The following APOOL variants were observed in gnomAD, a reference collection of about 807,000 sequenced individuals.
APOOL encodes apolipoprotein O like.
APOOL carries 12 observed loss-of-function variants against 23.1 expected under a neutral mutation model. That is an observed-to-expected ratio of 0.52 (90% CI 0.33 to 0.84). The LOEUF is 0.84. APOOL is among the 40% of genes least tolerant of loss of function. APOOL has a pLI of 0.02. For synonymous variants in APOOL, 77 were observed against 69.9 expected, an observed-to-expected ratio of 1.10 and a Z score of -0.51; for missense variants, 212 against 199.6, an observed-to-expected ratio of 1.06 and a Z score of -0.37.
intron 1 of APOOL, among the ~76,000 whole-genome samples, chrX:85,031,972 C>G (rs774115254): frequency 9.0e-6 from 1 of 111,729 alleles, no homozygotes; most frequent in South Asian, 3.7e-4. Context: ...TCCTCTCCCA[C>G]GTTTCCACCA....
At chrX:85,066,091 C>T (rs1923445029) in intron 5 of APOOL, among the ~76,000 whole-genome samples, 1 of 111,083 alleles carries the variant, frequency 9.0e-6, no homozygotes, top group Non-Finnish European at 1.9e-5. Flanking sequence ...TGCCTGCAAA[C>T]ATTCATTTTC....
At chrX:85,050,998 C>T (rs1210309305) in intron 2 of APOOL, among the ~76,000 whole-genome samples, 3 of 110,344 alleles carry the variant, frequency 2.7e-5, no homozygotes, top group African/African-American at 9.9e-5. Flanking sequence ...TATATTTACC[C>T]CCTAATTTCT....
In APOOL at chrX:85,087,683, G is replaced by A. The variant is rs753427447; in HGVS notation, c.*5G>A. 1.2e-5 allele frequency: 14 copies of A among 1,170,561 alleles called. No homozygotes were observed. The South Asian group carries it at 1.8e-4, about 15-fold the overall frequency. ...ATGTACAGCACTAGAAGCTGAAGTA[G>A]ACTGCATGCAGAGACTACACAGAAA... On this transcript the variant is annotated 3_prime_UTR_variant, in exon 9 of 9. Coordinates refer to ENST00000373173, the MANE Select transcript of APOOL (RefSeq NM_198450.6).
intron 6 of APOOL, among the ~76,000 whole-genome samples, chrX:85,072,994 T>G (rs1022757024): frequency 9.0e-6 from 1 of 111,575 alleles, no homozygotes; most frequent in Non-Finnish European, 1.9e-5. Context: ...GATCTGTAAA[T>G]ATTAATATTA....
chrX:85,031,470 TTA>T, intron 1 of APOOL, among the ~76,000 whole-genome samples: 1 of 111,842 alleles, frequency 8.9e-6, no homozygotes, highest in Admixed American at 9.5e-5. Context: ...TAATATAATG[TTA>T]TATTTGTTAA....
chrX:85,061,379 G>A (rs1308384437), intron 5 of APOOL, among the ~76,000 whole-genome samples: 1 of 111,551 alleles, frequency 9.0e-6, no homozygotes, highest in African/African-American at 3.3e-5. Flanking sequence ...TTGGTATCAG[G>A]ATGATGCTGG....
At chrX:85,061,058 A>G (rs1430333201) in intron 5 of APOOL, among the ~76,000 whole-genome samples, 2 of 111,404 alleles carry the variant, frequency 1.8e-5, no homozygotes, top group Non-Finnish European at 3.8e-5. Context: ...ACGTCCCATC[A>G]ATACCTAATT....
chrX:85,075,176 T>A (rs1322242914), intron 8 of APOOL, among the ~76,000 whole-genome samples: 1 of 110,947 alleles, frequency 9.0e-6, no homozygotes, highest in Admixed American at 9.7e-5. Context: ...ATAATAATAA[T>A]ATGCACCCTT....
At chrX:85,071,332 A>G (rs1343350436) in intron 6 of APOOL, among the ~76,000 whole-genome samples, 1 of 110,827 alleles carries the variant, frequency 9.0e-6, no homozygotes, top group Non-Finnish European at 1.9e-5. Flanking sequence ...AAGAGGACAA[A>G]AGAGAATATC....
At chrX:85,040,273 G>A (rs1275543056) in intron 1 of APOOL, among the ~76,000 whole-genome samples, 1 of 111,963 alleles carries the variant, frequency 8.9e-6, no homozygotes, top group Non-Finnish European at 1.9e-5. Context: ...GCCACTCTTA[G>A]CCTGATGGAA....
At chrX:85,029,713 T>G (rs943428494) in intron 1 of APOOL, among the ~76,000 whole-genome samples, 5 of 111,425 alleles carry the variant, frequency 4.5e-5, no homozygotes, top group African/African-American at 9.8e-5. Flanking sequence ...GCAAAGAACA[T>G]AAATAGACAT....
rs780993164 is a variant in APOOL at position 85,092,584 on chromosome X, A to G, written c.*4906A>G. On this transcript the variant is annotated 3_prime_UTR_variant, in exon 9 of 9. Coordinates refer to ENST00000373173, the MANE Select transcript of APOOL (RefSeq NM_198450.6). ...TATCTGTTTAAAAACAAACAAGCAA[A>G]TATTACTTTCATTTGAAAGTATAAT... 8 of 1,175,471 alleles carry G rather than the reference A, an allele frequency of 6.8e-6. No homozygotes were observed. The highest frequency in any genetic ancestry group is 4.8e-4 in the Middle Eastern group (2 of 4,137).
In APOOL at chrX:85,093,180, C is replaced by T. The variant is rs1209872668; in HGVS notation, c.*5502C>T. On this transcript the variant is annotated 3_prime_UTR_variant, in exon 9 of 9. Coordinates refer to ENST00000373173, the MANE Select transcript of APOOL (RefSeq NM_198450.6). ...TAGAATATCAATACTAATTGTAATA[C>T]ATACCTGACTTAGCCTCTTCAGCAT... 6.0e-6 allele frequency: 7 copies of T among 1,157,825 alleles called. No homozygotes were observed. The African/African-American group carries it at 1.3e-4, about 21-fold the overall frequency.
At position 85,092,366 on chromosome X, in the gene APOOL, G is replaced by A. The variant is rs1281150135; in HGVS notation, c.*4688G>A. On this transcript the variant is annotated 3_prime_UTR_variant, in exon 9 of 9. Coordinates refer to ENST00000373173, the MANE Select transcript of APOOL (RefSeq NM_198450.6). ...ACAGTCAAATGTTGGAGGCTGTGTTGGGATGAGTTGTTACAAAGCCTCTTT... is the reference window on the plus strand; with the variant it reads ...ACAGTCAAATGTTGGAGGCTGTGTTAGGATGAGTTGTTACAAAGCCTCTTT... 6 of 1,153,234 alleles carry A rather than the reference G, an allele frequency of 5.2e-6. No individual in the cohort carries two copies. The highest frequency in any genetic ancestry group is 6.9e-6 in the Non-Finnish European group (6 of 866,483).
Position 85,088,129 on chromosome X carries a change from C to A in APOOL, c.*451C>A, listed in dbSNP as rs747244560. On this transcript the variant is annotated 3_prime_UTR_variant, in exon 9 of 9. Transcript: ENST00000373173. ...TTATACATATATGTATAAATACATA[C>A]ATATTTATACATATATGTATAAATA... 27 of 31,854 alleles carry A rather than the reference C, an allele frequency of 8.5e-4. No homozygotes were observed. Among genetic ancestry groups the A allele is most frequent in the African/African-American group, 7.0e-3 (27 of 3,882 alleles). 2.6% of individuals were successfully genotyped at this position (31,854 alleles called of 1,213,427 possible).
intron 1 of APOOL, among the ~76,000 whole-genome samples, chrX:85,038,465 T>C (rs1922290031): frequency 9.2e-6 from 1 of 108,202 alleles, no homozygotes; most frequent in Non-Finnish European, 1.9e-5. Flanking sequence ...TTAGTAGGAT[T>C]GGTACCAGCT....
At chrX:85,025,354 A>G (rs1921804051) in intron 1 of APOOL, among the ~76,000 whole-genome samples, 1 of 111,603 alleles carries the variant, frequency 9.0e-6, no homozygotes, top group South Asian at 3.8e-4. Flanking sequence ...GGCAGGGACA[A>G]ATATCCAAAT....
chrX:85,090,408 A>G lies in APOOL; in HGVS notation c.*2730A>G, dbSNP rs926201996. On this transcript the variant is annotated 3_prime_UTR_variant, in exon 9 of 9. Coordinates refer to ENST00000373173, the MANE Select transcript of APOOL (RefSeq NM_198450.6). ...GAATTAAAGCTAACATACAGTATCT[A>G]CTACCCTATTCTTCTAACCCATTTG... 6.3e-5 allele frequency: 7 copies of G among 111,324 alleles called. No individual in the cohort carries two copies. Among genetic ancestry groups the G allele is most frequent in the Non-Finnish European group, 1.9e-5 (1 of 53,065 alleles). The allele number at this position is 111,324 out of a possible 1,213,427, so 9.2% of individuals were successfully genotyped here.
intron 1 of APOOL, among the ~76,000 whole-genome samples, chrX:85,036,446 T>A (rs910458755): frequency 6.3e-5 from 7 of 111,683 alleles, no homozygotes; most frequent in Non-Finnish European, 1.1e-4. Flanking sequence ...TTTTCATATT[T>A]GGATCAATTT....
Sources: gnomAD v4.1 joint callset for allele counts (sites outside exome capture counted in the v4.1 genomes callset) on GRCh38, gnomAD v4.1.1 for gene constraint, MANE v1.5 for transcripts, NCBI Gene and HGNC (gene_info 2026-07-23, HGNC 2026-07-21) for gene names.